Variants in VCP observed in about 807,000 individuals in gnomAD.
VCP encodes the protein transitional endoplasmic reticulum ATPase.
Under a neutral mutation model 85.7 loss-of-function variants are expected in VCP, and 6 were observed. The observed-to-expected ratio is 0.07, with a 90% confidence interval of 0.04 to 0.14. The LOEUF (loss-of-function observed/expected upper bound fraction) is 0.14. Among genes scored for constraint, VCP ranks in the 10% least tolerant of loss-of-function variants. The pLI, the probability that VCP is intolerant of heterozygous loss-of-function variation, is 1.00. For synonymous variants in VCP, 384 were observed against 367.1 expected, an observed-to-expected ratio of 1.05 and a Z score of -0.53; for missense variants, 353 against 1,043.4, an observed-to-expected ratio of 0.34 and a Z score of 9.12.
intron 16 of VCP, 47 bp downstream of exon 16, chr9:35,057,329 G>T (rs1466943300): frequency 6.2e-7 from 1 of 1,613,276 alleles, no homozygotes; most frequent in South Asian, 1.1e-5. Context: ...TTTGGTGTAG[G>T]TCCCCAAAGT....
chr9:35,058,537 C>T (rs1285434959), intron 15 of VCP, among the ~76,000 whole-genome samples: 2 of 152,054 alleles, frequency 1.3e-5, no homozygotes, highest in Non-Finnish European at 2.9e-5. Context: ...CCGAGGTGGG[C>T]ACATCACAAG....
chr9:35,066,484 C>T (rs1010080498), intron 4 of VCP, among the ~76,000 whole-genome samples, 191 bp downstream of exon 4: 3 of 151,536 alleles, frequency 2.0e-5, no homozygotes, highest in Non-Finnish European at 4.4e-5. Flanking sequence ...GCCTCAGCCT[C>T]CCAAATTGCT....
chr9:35,066,710 G>A lies in VCP; in HGVS notation c.410C>T (p.Pro137Leu), dbSNP rs868435969. The change falls in exon 4 of 17, where the codon CCG becomes CTG. Residue 137 changes from proline (P) to leucine (L), a missense_variant. This residue lies in a region of VCP where 85 missense variants were observed against 345.2 expected (regional missense o/e 0.25). Coordinates refer to ENST00000358901, the MANE Select transcript of VCP (RefSeq NM_007126.5). ...TGNLFEVYLK[P>L]YFLEAYRPIR... The stretch of plus-strand genomic sequence containing the variant: ...GGGTCGATACGCTTCCAGGAAGTAC[G>A]GCTTAAGGTATACCTCGAAGAGATT... 6.2e-7 allele frequency: 1 copy of A among 1,614,078 alleles called. No individual in the cohort carries two copies. Among genetic ancestry groups the A allele is most frequent in the Non-Finnish European group, 8.5e-7 (1 of 1,180,020 alleles).
intron 1 of VCP, among the ~76,000 whole-genome samples, chr9:35,071,422 C>G (rs1346285310): frequency 6.7e-6 from 1 of 149,688 alleles, no homozygotes; most frequent in East Asian, 2.0e-4. Flanking sequence ...AGCCCCAGAG[C>G]CCGGGTAATT....
intron 4 of VCP, among the ~76,000 whole-genome samples, chr9:35,066,145 A>G (rs1014911086): frequency 6.6e-6 from 1 of 151,594 alleles, no homozygotes; most frequent in African/African-American, 2.4e-5. Context: ...AGAAAAGAAA[A>G]TGAGACTAGG....
At chr9:35,057,262 G>C in intron 16 of VCP, 40 bp from the exon 17 acceptor site, 6 of 1,613,900 alleles carry the variant, frequency 3.7e-6, no homozygotes, top group South Asian at 1.1e-5. Context: ...GGTTAGGACA[G>C]GGCCTGTGTA....
At chr9:35,061,712 A>ACAC in intron 9 of VCP, 23 bp from the exon 10 acceptor site, 1 of 482,910 alleles carries the variant, frequency 2.1e-6, no homozygotes, top group Non-Finnish European at 3.9e-6. Context: ...ACACAAACAT[A>ACAC]AACAGGGCTC....
Position 35,057,163 on chromosome 9 carries a change from C to T in VCP, c.2375G>A (p.Gly792Asp). 1 of 1,614,226 alleles carries T rather than the reference C, an allele frequency of 6.2e-7. No homozygotes were observed. Among genetic ancestry groups the T allele is most frequent in the Non-Finnish European group, 8.5e-7 (1 of 1,180,036 alleles). The change falls in exon 17 of 17, where the codon GGT becomes GAT. Residue 792 changes from glycine (G) to aspartate (D), a missense_variant. By Grantham distance (94) the Gly-to-Asp change is moderately conservative. Transcript: ENST00000358901. ...GPSQGSGGGT[G>D]GSVYTEDNDD... is the part of the protein sequence containing the mutation. ...ATTGTCTTCTGTGTATACACTGCCA[C>T]CTGTGCCGCCTCCACTGCCCTGACT...
At chr9:35,060,244 TA>T in intron 13 of VCP, 68 bp downstream of exon 13, 2 of 1,525,032 alleles carry the variant, frequency 1.3e-6, no homozygotes, top group South Asian at 1.1e-5. Context: ...TCAACCCTCT[TA>T]AAGAAAAACA....
At position 35,060,322 on chromosome 9, in the gene VCP, G is replaced by A. The variant is rs951046600; in HGVS notation, c.1686C>T (p.Ile562=). Residue 562 remains isoleucine (I), a synonymous_variant, in exon 13 of 17, where the codon ATC becomes ATT. Coordinates refer to ENST00000358901, the MANE Select transcript of VCP (RefSeq NM_007126.5). ...FGESEANVRE[I]FDKARQAAPC... is the part of the protein sequence containing the mutation. ...GCCTATTGTAGCTCACCTTGTCAAA[G>A]ATTTCTCTGACATTGGCCTCAGACT... 1 of 1,614,144 alleles carries A rather than the reference G, an allele frequency of 6.2e-7. No homozygotes were observed. The highest frequency in any genetic ancestry group is 8.5e-7 in the Non-Finnish European group (1 of 1,179,986).
rs35504855 is a variant in VCP, at chr9:35,066,582, TA to T, written c.445+92del. The T allele has an allele frequency of 0.017, 20,750 of 1,191,256 alleles. 4 individuals are homozygous for T. The highest frequency in any genetic ancestry group is 0.13 in the East Asian group (3,251 of 25,256). The allele number at this position is 1,191,256 out of a possible 1,614,324, so 73.8% of individuals were successfully genotyped here. A position where few individuals can be genotyped will look rare whatever the true frequency, so the allele number is the denominator to read the frequency against. ...ATACAGGGGAAAAGCATAAAAGATT[TA>T]AAAAAAAAAAAAGAAAAAGAAAATG... On this transcript the variant is annotated intron_variant, in intron 4 of 16. Coordinates refer to ENST00000358901, the MANE Select transcript of VCP (RefSeq NM_007126.5).
At position 35,072,100 on chromosome 9, in the gene VCP, G is replaced by A. The variant is rs1042683408; in HGVS notation, c.17+237C>T. 4 of 1,339,396 alleles carry A rather than the reference G, an allele frequency of 3.0e-6. No homozygotes were observed. In the African/African-American group the frequency reaches 4.7e-5, roughly 16 times the overall value. 83.0% of individuals were successfully genotyped at this position (1,339,396 alleles called of 1,614,324 possible). ...GGGCCTGCATGACACAGCACGATCC[G>A]GCCCAGGCTCCGACCCGGACCCAAC... On this transcript the variant is annotated intron_variant, in intron 1 of 16. Transcript: ENST00000358901.
intron 16 of VCP, 73 bp downstream of exon 16, chr9:35,057,303 T>C: frequency 6.2e-7 from 1 of 1,613,892 alleles, no homozygotes; most frequent in Middle Eastern, 1.7e-4. Flanking sequence ...CTAGCTTCCT[T>C]AGGACTCCCA....
At chr9:35,067,392 A>G (rs533615960) in intron 3 of VCP, among the ~76,000 whole-genome samples, 1 of 152,242 alleles carries the variant, frequency 6.6e-6, no homozygotes, top group South Asian at 2.1e-4. Context: ...AATCACTCAC[A>G]TTGAGAGCTA....
intron 4 of VCP, among the ~76,000 whole-genome samples, 197 bp downstream of exon 4, chr9:35,066,478 C>G (rs1034337880): frequency 1.3e-5 from 2 of 151,542 alleles, no homozygotes; most frequent in Non-Finnish European, 2.9e-5. Context: ...CCACCCGCCT[C>G]AGCCTCCCAA....
At chr9:35,068,100 C>A in intron 2 of VCP, 37 bp from the exon 3 acceptor site, 1 of 1,613,970 alleles carries the variant, frequency 6.2e-7, no homozygotes, top group South Asian at 1.1e-5. Context: ...GGTCATTGGG[C>A]TGACGGGGAG....
chr9:35,064,120 C>T, intron 6 of VCP, 34 bp downstream of exon 6: 4 of 1,613,908 alleles, frequency 2.5e-6, no homozygotes, highest in Non-Finnish European at 3.4e-6. Flanking sequence ...ATTGGCACCA[C>T]TTTAGACTTG....
Position 35,061,696 on chromosome 9 carries a change from G to GACAGTACACAA in VCP, c.1082-18_1082-8dup, listed in dbSNP as rs11272867. ...ACCTCCCTGTCAAAGCGACCTGTGG[G>GACAGTACACAA]ACAGTACACAAACATAAACAGGGCT... On this transcript the variant is annotated splice_polypyrimidine_tract_variant and splice_region_variant and intron_variant, in intron 9 of 16. Transcript: ENST00000358901. 1,030,019 of 1,589,212 alleles carry GACAGTACACAA rather than the reference G, an allele frequency of 0.65. 354,099 individuals are homozygous for GACAGTACACAA. Among genetic ancestry groups the GACAGTACACAA allele is most frequent in the Non-Finnish European group, 0.71 (822,405 of 1,157,496 alleles).
At chr9:35,067,115 T>A (rs1192141533) in intron 3 of VCP, among the ~76,000 whole-genome samples, 2 of 152,052 alleles carry the variant, frequency 1.3e-5, no homozygotes, top group Admixed American at 6.5e-5. Context: ...TGACCCAATA[T>A]TACAAGGGAA....
Sources: gnomAD v4.1 joint callset for allele counts (sites outside exome capture counted in the v4.1 genomes callset) on GRCh38, gnomAD v4.1.1 for gene constraint, gnomAD v4.1.1 regional missense constraint, MANE v1.5 for transcripts, NCBI Gene and HGNC (gene_info 2026-07-23, HGNC 2026-07-21) for gene names.